Variants in EPCIP observed in about 807,000 individuals in gnomAD.
EPCIP encodes exosomal polycystin-1-interacting protein.
At chr21:32,809,279 C>CTTCCTTTCTTT in the EPCIP span, among the ~76,000 whole-genome samples, 2 of 79,968 alleles carry the variant, frequency 2.5e-5, no homozygotes, top group Admixed American at 1.5e-4. Context: ...CTCCCTCCTT[C>CTTCCTTTCTTT]CTTTCTTTCT....
At chr21:32,794,878 C>T in the EPCIP span, among the ~76,000 whole-genome samples, 24 of 152,312 alleles carry the variant, frequency 1.6e-4, no homozygotes, top group African/African-American at 4.6e-4. Flanking sequence ...TAGCATGAAG[C>T]GCCCAAAAAC....
the EPCIP span, among the ~76,000 whole-genome samples, chr21:32,806,153 G>A: frequency 1.3e-5 from 2 of 152,140 alleles, no homozygotes; most frequent in African/African-American, 2.4e-5. Context: ...GAGATGTGAG[G>A]CACAAGTGGC....
At chr21:32,794,793 G>A in the EPCIP span, among the ~76,000 whole-genome samples, 5 of 152,328 alleles carry the variant, frequency 3.3e-5, no homozygotes, top group East Asian at 9.6e-4. Context: ...GGATGCCAGA[G>A]AGGAGACCTA....
chr21:32,793,494 T>C, the EPCIP span: 1 of 547,912 alleles, frequency 1.8e-6, no homozygotes, highest in South Asian at 2.2e-5. Context: ...AGACCAAGCC[T>C]AGCTGGCTCC....
chr21:32,805,240 A>T, the EPCIP span, among the ~76,000 whole-genome samples: 1 of 152,252 alleles, frequency 6.6e-6, no homozygotes, highest in African/African-American at 2.4e-5. Context: ...AGTCTCCAGA[A>T]GGAACCAGGC....
chr21:32,808,321 C>T, the EPCIP span, among the ~76,000 whole-genome samples: 1 of 151,794 alleles, frequency 6.6e-6, no homozygotes, highest in Non-Finnish European at 1.5e-5. Context: ...GGCTGGCAGA[C>T]CTTTACTATT....
chr21:32,800,538 C>A, the EPCIP span, among the ~76,000 whole-genome samples: 6 of 152,300 alleles, frequency 3.9e-5, no homozygotes, highest in Admixed American at 2.6e-4. Flanking sequence ...AGCACATAGG[C>A]CGGGTGTGGT....
At chr21:32,803,942 G>A in the EPCIP span, among the ~76,000 whole-genome samples, 1 of 152,126 alleles carries the variant, frequency 6.6e-6, no homozygotes, top group Non-Finnish European at 1.5e-5. Flanking sequence ...CAGGAAATGA[G>A]TTCCCAGTAA....
chr21:32,809,280 CTTT>C, the EPCIP span, among the ~76,000 whole-genome samples: 6,774 of 78,752 alleles, frequency 0.086, 608 homozygotes, highest in East Asian at 0.22. Context: ...TCCCTCCTTC[CTTT>C]CTTTCTTTCT....
At chr21:32,806,744 C>T in the EPCIP span, among the ~76,000 whole-genome samples, 1 of 152,186 alleles carries the variant, frequency 6.6e-6, no homozygotes, top group Admixed American at 6.5e-5. Context: ...CTGAGCTCAC[C>T]TGGGTATTAA....
At chr21:32,798,145 G>T in the EPCIP span, 1 of 152,212 alleles carries the variant, frequency 6.6e-6, no homozygotes, top group Non-Finnish European at 1.5e-5. Context: ...GACCAGCCCA[G>T]CCAACATTGT....
chr21:32,798,287 T>C, the EPCIP span: 1 of 152,326 alleles, frequency 6.6e-6, no homozygotes, highest in Non-Finnish European at 1.5e-5. Context: ...AGCCACCCTG[T>C]TGTGGTATCT....
chr21:32,793,719 C>T, the EPCIP span: 1 of 1,569,548 alleles, frequency 6.4e-7, no homozygotes, highest in Non-Finnish European at 8.8e-7. Flanking sequence ...GCAAATTATT[C>T]ATCATTTGCC....
the EPCIP span, among the ~76,000 whole-genome samples, chr21:32,803,554 A>C: frequency 8.5e-5 from 13 of 152,316 alleles, no homozygotes; most frequent in Admixed American, 8.5e-4. Context: ...CTCTTGAAAA[A>C]AGGGATTTTT....
At chr21:32,804,475 T>C in the EPCIP span, among the ~76,000 whole-genome samples, 1 of 151,924 alleles carries the variant, frequency 6.6e-6, no homozygotes, top group Non-Finnish European at 1.5e-5. Context: ...ATGTATATTG[T>C]ATACTCATAA....
chr21:32,801,562 C>G, the EPCIP span, among the ~76,000 whole-genome samples: 2 of 152,054 alleles, frequency 1.3e-5, no homozygotes, highest in Non-Finnish European at 2.9e-5. Flanking sequence ...AGATGGAGGC[C>G]AGGCACAGTG....
the EPCIP span, among the ~76,000 whole-genome samples, chr21:32,808,880 T>G: frequency 6.6e-6 from 1 of 152,166 alleles, no homozygotes; most frequent in African/African-American, 2.4e-5. Flanking sequence ...AAAGAGTGAA[T>G]CCTGATCTCA....
the EPCIP span, among the ~76,000 whole-genome samples, chr21:32,808,664 C>CA: frequency 2.2e-4 from 33 of 150,740 alleles, no homozygotes; most frequent in African/African-American, 7.0e-4. Flanking sequence ...GATCCTGGGA[C>CA]AAAAAAAAGG....
the EPCIP span, among the ~76,000 whole-genome samples, chr21:32,800,769 T>G: frequency 1.3e-5 from 2 of 150,578 alleles, no homozygotes; most frequent in Admixed American, 1.3e-4. Context: ...TGAGCTGAGA[T>G]CGCGCCATTG....
Sources: gnomAD v4.1 joint callset for allele counts (sites outside exome capture counted in the v4.1 genomes callset) on GRCh38, gnomAD v4.1.1 for gene constraint, MANE v1.5 for transcripts, NCBI Gene and HGNC (gene_info 2026-07-23, HGNC 2026-07-21) for gene names.